Variants in HDAC9 observed in about 807,000 individuals in gnomAD.
HDAC9 encodes the protein histone deacetylase 9, also known as MEF-2 interacting transcription repressor (MITR) protein.
A neutral mutation model predicts 139.4 loss-of-function variants in HDAC9; 41 were observed. That is an observed-to-expected ratio of 0.29 (90% CI 0.23 to 0.38). The LOEUF is 0.38. Among genes scored for constraint, HDAC9 ranks in the 10% least tolerant of loss-of-function variants. The probability of loss-of-function intolerance (pLI) is 1.00; values close to 1 mark genes in which losing one functional copy is unlikely to be tolerated. For missense variants in HDAC9, 1,147 were observed against 1,297.0 expected (o/e 0.88, Z 1.78); for synonymous variants, 517 against 476.2 (o/e 1.09, Z -1.12).
intron 1 of HDAC9, among the ~76,000 whole-genome samples, chr7:18,315,605 G>C (rs897435332): frequency 5.9e-5 from 9 of 152,236 alleles, no homozygotes; most frequent in African/African-American, 2.2e-4. Flanking sequence ...CTGTAGAAAA[G>C]GATGAGTTAT....
chr7:18,280,772 A>AT lies in HDAC9; in HGVS notation c.25+118423_25+118424insT, dbSNP rs945174073. Reference sequence around the variant, plus strand: ...AATGAGACCCTGTCTCAAAAAAAATAAATAAATAAATAAAAAAGAGGGGAT... The same window carrying AT: ...AATGAGACCCTGTCTCAAAAAAAATATAATAAATAAATAAAAAAGAGGGGAT... On this transcript the variant is annotated intron_variant, in intron 2 of 12. Coordinates refer to the HDAC9 transcript ENST00000417496. Among the ~76,000 whole-genome samples, 24 of 142,086 alleles carry AT rather than the reference A, an allele frequency of 1.7e-4. No homozygotes were observed. In the East Asian group the frequency reaches 3.5e-3, roughly 21 times the overall value. 93.2% of individuals were successfully genotyped at this position (142,086 alleles called of 152,430 possible). A position where few individuals can be genotyped will look rare whatever the true frequency, so the allele number is the denominator to read the frequency against.
intron 12 of HDAC9, among the ~76,000 whole-genome samples, chr7:18,683,126 A>G (rs1452773849): frequency 1.3e-5 from 2 of 152,030 alleles, no homozygotes; most frequent in Non-Finnish European, 2.9e-5. Context: ...TTTACAAAAA[A>G]CGAATAACAA....
At chr7:18,855,946 C>T (rs548664368) in intron 21 of HDAC9, among the ~76,000 whole-genome samples, 1 of 152,176 alleles carries the variant, frequency 6.6e-6, no homozygotes, top group South Asian at 2.1e-4. Context: ...GCATTACAGC[C>T]TTTTACTCTA....
chr7:18,416,768 C>G (rs1029597899), intron 1 of HDAC9, among the ~76,000 whole-genome samples: 1 of 151,744 alleles, frequency 6.6e-6, no homozygotes, highest in Non-Finnish European at 1.5e-5. Flanking sequence ...TCCTTTTTTG[C>G]CAGTATTTTA....
At chr7:18,947,065 G>A (rs1782455786) in intron 23 of HDAC9, among the ~76,000 whole-genome samples, 1 of 151,876 alleles carries the variant, frequency 6.6e-6, no homozygotes, top group Admixed American at 6.6e-5. Context: ...ATACTAGAAA[G>A]TATTCTGAAA....
intron 16 of HDAC9, among the ~76,000 whole-genome samples, chr7:18,786,980 T>C (rs975222082): frequency 6.6e-6 from 1 of 152,044 alleles, no homozygotes; most frequent in African/African-American, 2.4e-5. Flanking sequence ...ACAGAAAATG[T>C]GCTTCCTTCC....
chr7:18,352,123 C>T (rs1428525464), intron 1 of HDAC9, among the ~76,000 whole-genome samples: 1 of 152,152 alleles, frequency 6.6e-6, no homozygotes, highest in African/African-American at 2.4e-5. Context: ...TATTCTGTTT[C>T]TGAACTGTTC....
At chr7:18,418,941 G>A (rs1789355489) in intron 1 of HDAC9, among the ~76,000 whole-genome samples, 1 of 152,106 alleles carries the variant, frequency 6.6e-6, no homozygotes, top group Non-Finnish European at 1.5e-5. Context: ...ATTCAGAGAA[G>A]TAATGTTTGT....
chr7:18,881,831 A>G (rs1055621026), intron 22 of HDAC9, among the ~76,000 whole-genome samples: 1 of 152,130 alleles, frequency 6.6e-6, no homozygotes, highest in African/African-American at 2.4e-5. Flanking sequence ...TCATAATGGC[A>G]TTTCAGGCCA....
chr7:18,136,907 T>A (rs1464504555), intron 1 of HDAC9, among the ~76,000 whole-genome samples: 4 of 151,904 alleles, frequency 2.6e-5, no homozygotes, highest in Admixed American at 2.6e-4. Context: ...TATGGCCATT[T>A]TCACGATATT....
intron 1 of HDAC9, among the ~76,000 whole-genome samples, chr7:18,436,867 T>C (rs1378554786): frequency 6.6e-6 from 1 of 152,214 alleles, no homozygotes; most frequent in Non-Finnish European, 1.5e-5. Context: ...TTGCTGGTCC[T>C]GAAATTCAAG....
At chr7:18,786,820 A>ATTCC (rs1452754957) in intron 16 of HDAC9, among the ~76,000 whole-genome samples, 2 of 84,006 alleles carry the variant, frequency 2.4e-5, no homozygotes, top group African/African-American at 1.1e-4. Context: ...TCCTTCCTTC[A>ATTCC]TTCCTTCCTT....
Position 18,197,266 on chromosome 7 carries a change from C to A in HDAC9, c.25+34917C>A, listed in dbSNP as rs114804627. The stretch of plus-strand genomic sequence containing the variant: ...TTTCTTTCTCTCTTTCTCTGGAGAA[C>A]CCTGACTAATACGCGTAGTATATGG... On this transcript the variant is annotated intron_variant, in intron 2 of 12. Transcript: ENST00000417496. Among the ~76,000 whole-genome samples, 512 of 152,238 alleles carry A rather than the reference C, an allele frequency of 3.4e-3. 4 individuals carry two copies. Among genetic ancestry groups the A allele is most frequent in the African/African-American group, 0.012 (501 of 41,540 alleles).
At chr7:18,694,143 C>A (rs1782865148) in intron 12 of HDAC9, among the ~76,000 whole-genome samples, 1 of 152,092 alleles carries the variant, frequency 6.6e-6, no homozygotes, top group Non-Finnish European at 1.5e-5. Context: ...TTCACCCACA[C>A]CTATGATGAC....
intron 12 of HDAC9, among the ~76,000 whole-genome samples, chr7:18,684,438 A>G (rs912903311): frequency 2.0e-5 from 3 of 151,328 alleles, no homozygotes; most frequent in African/African-American, 7.3e-5. Context: ...CCAGGAGTTC[A>G]AGACCAACCT....
At chr7:18,502,714 A>G (rs1386778448) in intron 2 of HDAC9, 3 of 152,100 alleles carry the variant, frequency 2.0e-5, no homozygotes, top group Non-Finnish European at 2.9e-5. Context: ...AGTACTGTCT[A>G]TTGTTAGAAG....
At chr7:18,840,675 T>C (rs949801145) in intron 21 of HDAC9, among the ~76,000 whole-genome samples, 1 of 152,116 alleles carries the variant, frequency 6.6e-6, no homozygotes, top group Non-Finnish European at 1.5e-5. Flanking sequence ...GTCAAAGCCA[T>C]TGAACCATTT....
chr7:18,506,899 C>T (rs1454850450), intron 2 of HDAC9, among the ~76,000 whole-genome samples: 1 of 152,068 alleles, frequency 6.6e-6, no homozygotes, highest in Admixed American at 6.5e-5. Flanking sequence ...ATGTTCCCAG[C>T]AAGTCTCATA....
intron 1 of HDAC9, among the ~76,000 whole-genome samples, chr7:18,149,663 GC>G (rs1283614499): frequency 6.6e-6 from 1 of 151,776 alleles, no homozygotes; most frequent in Non-Finnish European, 1.5e-5. Context: ...CCATTCTCCC[GC>G]CTCAGCCTCC....
Sources: gnomAD v4.1 joint callset for allele counts (sites outside exome capture counted in the v4.1 genomes callset) on GRCh38, gnomAD v4.1.1 for gene constraint, MANE v1.5 for transcripts, NCBI Gene and HGNC (gene_info 2026-07-23, HGNC 2026-07-21) for gene names.